Variants in RPL6 observed in about 807,000 individuals in gnomAD.
RPL6 encodes the protein ribosomal protein L6.
In RPL6, 1 loss-of-function variant was observed where a neutral mutation model predicts 32.1. The ratio of observed to expected loss-of-function variants is 0.03; its 90% confidence interval spans 0.01 to 0.15. The LOEUF is 0.15. Ranked by LOEUF, RPL6 falls within the 10% of genes least tolerant of loss-of-function variation. The pLI is 1.00. For synonymous variants in RPL6, 126 were observed against 131.6 expected (o/e 0.96, Z 0.29); for missense variants, 275 against 354.6 (o/e 0.78, Z 1.80).
chr12:112,405,355 G>C lies in RPL6; in HGVS notation c.736C>G (p.Arg246Gly). ...EKEKYEITEQ[R>G]KIDQKAVDSQ... ...TCCACAGCTTTCTGATCAATCTTGC[G>C]CTGCTCCGTAATCTCATATTTCTAA... Residue 246 changes from arginine to glycine, a missense_variant, in exon 7 of 7, where the codon CGC becomes GGC. Transcript: ENST00000202773. 6.2e-7 allele frequency: 1 copy of C among 1,605,840 alleles called. No homozygotes were observed. Among genetic ancestry groups the C allele is most frequent in the Non-Finnish European group, 8.5e-7 (1 of 1,178,322 alleles).
upstream of RPL6, among the ~76,000 whole-genome samples, chr12:112,410,839 T>C (rs1481420354): frequency 6.6e-6 from 1 of 151,990 alleles, no homozygotes; most frequent in Non-Finnish European, 1.5e-5. Context: ...CCTCCCAAAG[T>C]GCTAGGATTA....
chr12:112,406,410 C>G, intron 4 of RPL6, 68 bp from the exon 5 acceptor site: 2 of 1,401,110 alleles, frequency 1.4e-6, no homozygotes, highest in Non-Finnish European at 2.0e-6. Context: ...CATAAAATCA[C>G]AGGCATCTAA....
At chr12:112,414,880 G>A (rs948411377), upstream of RPL6, among the ~76,000 whole-genome samples, 5 of 151,920 alleles carry the variant, frequency 3.3e-5, no homozygotes, top group Non-Finnish European at 7.4e-5. Flanking sequence ...ACTCCAGCCT[G>A]GGAGACAGAG....
At chr12:112,408,185 C>T (rs904264614) in intron 3 of RPL6, 55 bp downstream of exon 3, 2 of 1,301,702 alleles carry the variant, frequency 1.5e-6, no homozygotes, top group African/African-American at 2.9e-5. Flanking sequence ...TCAAAAACAT[C>T]TTCACAGTAT....
upstream of RPL6, among the ~76,000 whole-genome samples, chr12:112,414,451 A>T (rs955918584): frequency 6.6e-6 from 1 of 152,250 alleles, no homozygotes; most frequent in African/African-American, 2.4e-5. Flanking sequence ...GAGACAAATG[A>T]TAGCCAGCTT....
chr12:112,412,547 T>C (rs1594113780), upstream of RPL6, among the ~76,000 whole-genome samples: 1 of 151,048 alleles, frequency 6.6e-6, no homozygotes, highest in East Asian at 2.0e-4. Context: ...AGATCATGGC[T>C]CACTGCAGCC....
chr12:112,408,276 C>T lies in RPL6; in HGVS notation c.300G>A (p.Lys100=), dbSNP rs374409508. 1.9e-6 allele frequency: 3 copies of T among 1,614,080 alleles called. No individual in the cohort carries two copies. Among genetic ancestry groups the T allele is most frequent in the African/African-American group, 2.7e-5 (2 of 74,926 alleles). The change falls in exon 3 of 7, where the codon AAG becomes AAA. Residue 100 remains lysine, a synonymous_variant. Transcript: ENST00000202773. ...ATVTKPVGGD[K]NGGTRVVKLR... ...GTTTAACCACCCGGGTACCGCCGTT[C>T]TTGTCACCACCAACTGGTTTTGTAA...
upstream of RPL6, among the ~76,000 whole-genome samples, chr12:112,410,573 T>C (rs2037327095): frequency 8.9e-6 from 1 of 111,884 alleles, no homozygotes; most frequent in African/African-American, 3.5e-5. Flanking sequence ...TTTTTTTTTT[T>C]TTTTTTTTTT....
chr12:112,409,244 C>T (rs557751270), intron 1 of RPL6: 3 of 384,034 alleles, frequency 7.8e-6, no homozygotes, highest in South Asian at 1.4e-4. Flanking sequence ...CTGCGACAGG[C>T]TCAGTGTCAT....
intron 1 of RPL6, chr12:112,409,359 C>G (rs1479481284): frequency 2.5e-6 from 1 of 396,798 alleles, no homozygotes; most frequent in Non-Finnish European, 4.4e-6. Flanking sequence ...GTTCCCCCAG[C>G]CCAAGAGAGT....
upstream of RPL6, among the ~76,000 whole-genome samples, chr12:112,412,328 C>G (rs1053946533): frequency 6.6e-6 from 1 of 152,154 alleles, no homozygotes; most frequent in Non-Finnish European, 1.5e-5. Flanking sequence ...CCTGAGCCAC[C>G]TTGCCCGGCC....
chr12:112,406,707 G>A, intron 4 of RPL6, 40 bp downstream of exon 4: 1 of 1,609,750 alleles, frequency 6.2e-7, no homozygotes, highest in Non-Finnish European at 8.5e-7. Flanking sequence ...AGGCACCCCA[G>A]GCAGCTGCAG....
chr12:112,411,607 G>C (rs1175377083), upstream of RPL6, among the ~76,000 whole-genome samples: 2 of 152,068 alleles, frequency 1.3e-5, no homozygotes, highest in Admixed American at 1.3e-4. Context: ...TGCTTACGTG[G>C]GCCCCTCAAA....
Position 112,418,364 on chromosome 12 carries a change from C to T in RPL6, c.-229+364G>A, listed in dbSNP as rs561002230. On this transcript the variant is annotated intron_variant, in intron 1 of 5. Coordinates refer to the RPL6 transcript ENST00000551291. ...TCACGACTCACTGCAGCCCCGACTT[C>T]TCGGGCTTAAGTTATCTTCCCGCCG... The T allele has an allele frequency of 2.2e-3, 341 of 156,212 alleles. 1 individual carries two copies. The highest frequency in any genetic ancestry group is 6.2e-3 in the Middle Eastern group (2 of 322). 9.7% of individuals were successfully genotyped at this position (156,212 alleles called of 1,614,324 possible).
chr12:112,408,588 A>G lies in RPL6; in HGVS notation c.69T>C (p.Ala23=). The change falls in exon 2 of 7, where the codon GCT becomes GCC. Residue 23 remains alanine, a synonymous_variant. Coordinates refer to ENST00000202773, the MANE Select transcript of RPL6 (RefSeq NM_000970.6). ...GGTTACCCTTTTTCACCTTGCCACC[A>G]GCATCAACCTTCTTGGCTTCGGGTT... ...EKKPEAKKVD[A]GGKVKKGNLK... 6.2e-7 allele frequency: 1 copy of G among 1,600,454 alleles called. No individual in the cohort carries two copies. The highest frequency in any genetic ancestry group is 8.5e-7 in the Non-Finnish European group (1 of 1,178,338).
At chr12:112,412,028 C>T (rs868102871), upstream of RPL6, among the ~76,000 whole-genome samples, 4 of 151,514 alleles carry the variant, frequency 2.6e-5, no homozygotes, top group Middle Eastern at 3.4e-3. Flanking sequence ...TACAGGTGCC[C>T]GCTACCACAC....
chr12:112,412,271 C>T (rs2037350246), upstream of RPL6, among the ~76,000 whole-genome samples: 3 of 152,198 alleles, frequency 2.0e-5, no homozygotes, highest in South Asian at 6.2e-4. Flanking sequence ...GATCTCCTGA[C>T]CTCGTGATCT....
chr12:112,406,705 C>T (rs1388118916), intron 4 of RPL6, 42 bp downstream of exon 4: 1 of 1,609,272 alleles, frequency 6.2e-7, no homozygotes. Flanking sequence ...CCAGGCACCC[C>T]AGGCAGCTGC....
chr12:112,410,666 T>TG (rs1374684567), upstream of RPL6, among the ~76,000 whole-genome samples: 8 of 141,816 alleles, frequency 5.6e-5, no homozygotes, highest in Admixed American at 7.7e-5. Flanking sequence ...CTCTGCCTCC[T>TG]GGGTTCAAGT....
Sources: gnomAD v4.1 joint callset for allele counts (sites outside exome capture counted in the v4.1 genomes callset) on GRCh38, gnomAD v4.1.1 for gene constraint, MANE v1.5 for transcripts, NCBI Gene and HGNC (gene_info 2026-07-23, HGNC 2026-07-21) for gene names.